Variants in PIP5K1A observed in about 807,000 individuals in gnomAD.
PIP5K1A encodes the protein phosphatidylinositol-4-phosphate 5-kinase type 1 alpha, also known as phosphatidylinositol 4-phosphate 5-kinase type-1 alpha.
A neutral mutation model predicts 72.9 loss-of-function variants in PIP5K1A; 46 were observed. That is an observed-to-expected ratio of 0.63 (90% CI 0.50 to 0.81). The LOEUF (loss-of-function observed/expected upper bound fraction) is 0.81, where lower values mean the gene tolerates loss of function less well. PIP5K1A is among the 30% of genes least tolerant of loss of function. The pLI, the probability that PIP5K1A is intolerant of heterozygous loss-of-function variation, is 0.00. For missense variants in PIP5K1A, 458 were observed against 706.1 expected (o/e 0.65, Z 3.98); for synonymous variants, 228 against 255.1 (o/e 0.89, Z 1.01).
chr1:151,199,301 A>C, intron 1 of PIP5K1A: 1 of 879,854 alleles, frequency 1.1e-6, no homozygotes, highest in Non-Finnish European at 1.7e-6. Context: ...TTTGAGGAGG[A>C]CGGATGGAGA....
At chr1:151,229,178 A>AC (rs992439641) in intron 4 of PIP5K1A, among the ~76,000 whole-genome samples, 2 of 146,026 alleles carry the variant, frequency 1.4e-5, no homozygotes, top group African/African-American at 5.3e-5. Flanking sequence ...AAAAAAAAAA[A>AC]AAAAAAAAAA....
In PIP5K1A at chr1:151,240,892, C is replaced by T. The variant is rs1458655614; in HGVS notation, c.1363+853C>T. Among the ~76,000 whole-genome samples the T allele has an allele frequency of 4.6e-5, 7 of 152,278 alleles. No individual in the cohort carries two copies. The South Asian group carries it at 6.2e-4, about 14-fold the overall frequency. Reference sequence around the variant, plus strand: ...AAGAGTTATCTTTCTTGGCCCGGCACGGTGGCTCACACCTGTAATCCCAGC... The same window carrying T: ...AAGAGTTATCTTTCTTGGCCCGGCATGGTGGCTCACACCTGTAATCCCAGC... On this transcript the variant is annotated intron_variant, in intron 12 of 15. Transcript: ENST00000368888.
chr1:151,223,869 A>G (rs929766351), intron 1 of PIP5K1A: 4 of 197,754 alleles, frequency 2.0e-5, no homozygotes, highest in Non-Finnish European at 4.1e-5. Flanking sequence ...GGCGCCTGTA[A>G]TCCCTGCTAC....
intron 3 of PIP5K1A, among the ~76,000 whole-genome samples, chr1:151,225,044 G>A (rs138331999): frequency 4.4e-4 from 67 of 152,246 alleles, no homozygotes; most frequent in African/African-American, 1.5e-3. Context: ...TCTTAAGATT[G>A]GGACATCCAG....
chr1:151,198,684 G>A lies in PIP5K1A; in HGVS notation c.-313G>A. The A allele has an allele frequency of 2.5e-6, 1 of 401,296 alleles. No homozygotes were observed. Among genetic ancestry groups the A allele is most frequent in the Non-Finnish European group, 4.6e-6 (1 of 217,612 alleles). 24.9% of individuals were successfully genotyped at this position (401,296 alleles called of 1,614,324 possible). ...CTCGTTTTTTTTTCAGATGTGGCTT[G>A]GTCTGGGCGCAAGGTCCCAGCAGCC... On this transcript the variant is annotated 5_prime_UTR_variant, in exon 1 of 16. Coordinates refer to ENST00000368888, the MANE Select transcript of PIP5K1A (RefSeq NM_001135638.2).
intron 7 of PIP5K1A, among the ~76,000 whole-genome samples, chr1:151,232,916 T>G (rs748545700): frequency 6.6e-6 from 1 of 152,004 alleles, no homozygotes; most frequent in Non-Finnish European, 1.5e-5. Context: ...CTGGCCAACA[T>G]GGTGAAACCT....
chr1:151,217,933 C>T (rs1029933325), intron 1 of PIP5K1A, among the ~76,000 whole-genome samples: 5 of 152,158 alleles, frequency 3.3e-5, no homozygotes, highest in African/African-American at 1.2e-4. Context: ...CACATGCCAC[C>T]ATGTCCGGCT....
chr1:151,198,135 G>A (rs182251584), upstream of PIP5K1A: 3 of 468,852 alleles, frequency 6.4e-6, no homozygotes, highest in African/African-American at 2.0e-5. Flanking sequence ...ATGCACGCAC[G>A]TTTAATCAAA....
At chr1:151,240,652 G>T (rs1432140595) in intron 12 of PIP5K1A, among the ~76,000 whole-genome samples, 1 of 152,160 alleles carries the variant, frequency 6.6e-6, no homozygotes. Context: ...ACCAGGCTGG[G>T]TGCAGTATCT....
At chr1:151,201,488 T>G (rs2101845821) in intron 1 of PIP5K1A, among the ~76,000 whole-genome samples, 1 of 152,166 alleles carries the variant, frequency 6.6e-6, no homozygotes, top group Admixed American at 6.5e-5. Flanking sequence ...TAGCTGGGAA[T>G]ACAGGCATGT....
intron 1 of PIP5K1A, among the ~76,000 whole-genome samples, chr1:151,219,322 A>C (rs958437301): frequency 6.8e-6 from 1 of 147,430 alleles, no homozygotes; most frequent in South Asian, 2.2e-4. Flanking sequence ...CAGAGGTTGC[A>C]GTGAGCCGAC....
At position 151,239,035 on chromosome 1, in the gene PIP5K1A, A is replaced by G. The variant is rs1691275730; in HGVS notation, c.1230-95A>G. On this transcript the variant is annotated intron_variant, in intron 10 of 15. Transcript: ENST00000368888. Reference sequence around the variant, plus strand: ...CTTTCTCAGCTTCTGTCTTTTCAAGATTTTCTATTACCCCTTTAACCCCCT... The same window carrying G: ...CTTTCTCAGCTTCTGTCTTTTCAAGGTTTTCTATTACCCCTTTAACCCCCT... The G allele has an allele frequency of 1.3e-5, 11 of 858,876 alleles. No homozygotes were observed. In the South Asian group the frequency reaches 1.6e-4, roughly 13 times the overall value. 53.2% of individuals were successfully genotyped at this position (858,876 alleles called of 1,614,324 possible).
chr1:151,242,043 A>T (rs1691804749), intron 12 of PIP5K1A, 80 bp from the exon 13 acceptor site: 1 of 1,434,174 alleles, frequency 7.0e-7, no homozygotes, highest in African/African-American at 1.4e-5. Flanking sequence ...TGTTGGGGAT[A>T]CTAGCAATTA....
At chr1:151,242,649 T>C (rs1031446576) in intron 14 of PIP5K1A, 82 bp downstream of exon 14, 4 of 1,192,790 alleles carry the variant, frequency 3.4e-6, no homozygotes, top group Non-Finnish European at 1.2e-6. Flanking sequence ...GATTGCATCA[T>C]AATAAATTAC....
At chr1:151,224,603 T>C (rs1321509375) in intron 3 of PIP5K1A, among the ~76,000 whole-genome samples, 197 bp downstream of exon 3, 1 of 152,224 alleles carries the variant, frequency 6.6e-6, no homozygotes, top group Non-Finnish European at 1.5e-5. Flanking sequence ...TTATCTGTTT[T>C]ACAGATGAAG....
chr1:151,217,339 C>T (rs1687784463), intron 1 of PIP5K1A, among the ~76,000 whole-genome samples: 1 of 152,022 alleles, frequency 6.6e-6, no homozygotes, highest in Non-Finnish European at 1.5e-5. Context: ...GCATTCCTAC[C>T]CACTGCTGCT....
intron 6 of PIP5K1A, 34 bp downstream of exon 6, chr1:151,232,399 A>C (rs748043703): frequency 2.0e-6 from 3 of 1,522,718 alleles, no homozygotes; most frequent in Non-Finnish European, 2.7e-6. Context: ...CTGTGACTCC[A>C]GTATCAGAGG....
rs147392744 is a variant in PIP5K1A at position 151,205,455 on chromosome 1, C to T, written c.85+6374C>T. ...CTTCCCAAAGTTCTGAGATTACAGGCGTGAGCTACTGCCCGGCCTCTCTCC... is the reference window on the plus strand; with the variant it reads ...CTTCCCAAAGTTCTGAGATTACAGGTGTGAGCTACTGCCCGGCCTCTCTCC... On this transcript the variant is annotated intron_variant, in intron 1 of 15. Coordinates refer to ENST00000368888, the MANE Select transcript of PIP5K1A (RefSeq NM_001135638.2). Among the ~76,000 whole-genome samples the T allele has an allele frequency of 5.1e-4, 78 of 151,926 alleles. No individual in the cohort carries two copies. In the East Asian group the frequency reaches 0.014, roughly 27 times the overall value.
At chr1:151,208,360 TC>T (rs147519128) in intron 1 of PIP5K1A, among the ~76,000 whole-genome samples, 10 of 109,584 alleles carry the variant, frequency 9.1e-5, no homozygotes, top group South Asian at 2.9e-4. Flanking sequence ...GGTTTTCTTT[TC>T]TTTTTTTTTT....
Sources: allele counts gnomAD v4.1 joint callset (sites outside exome capture counted in the v4.1 genomes callset), GRCh38; gene constraint gnomAD v4.1.1; transcripts MANE v1.5; gene names NCBI Gene and HGNC (gene_info 2026-07-23, HGNC 2026-07-21).